SLC14A2: variants seen among roughly 807,000 people sequenced by gnomAD.
SLC14A2 encodes solute carrier family 14 member 2.
SLC14A2 carries 91 observed loss-of-function variants against 104.6 expected under a neutral mutation model. The observed-to-expected ratio is 0.87, with a 90% CI of 0.73 to 1.04. The LOEUF is 1.04. Ranked by LOEUF, SLC14A2 falls within the 50% of genes least tolerant of loss-of-function variation. The pLI, the probability that SLC14A2 is intolerant of heterozygous loss-of-function variation, is 0.00. For synonymous variants in SLC14A2, 476 were observed against 466.4 expected (o/e 1.02, Z -0.27); for missense variants, 1,189 against 1,156.0 (o/e 1.03, Z -0.41).
intron 10 of SLC14A2, 49 bp downstream of exon 10, chr18:45,644,209 C>G (rs751460773): frequency 6.3e-7 from 1 of 1,581,412 alleles, no homozygotes; most frequent in Non-Finnish European, 8.7e-7. Context: ...GACCTGATGT[C>G]CTCTCCCTGT....
chr18:45,183,282 A>C, the SLC14A2 span, among the ~76,000 whole-genome samples: 37 of 151,942 alleles, frequency 2.4e-4, no homozygotes, highest in African/African-American at 8.4e-4. Flanking sequence ...GGCTGATAAC[A>C]CCTCTTGGGG....
In SLC14A2 at chr18:45,241,639, CTTTTTTTTT is replaced by C. The variant is rs370878349; in HGVS notation, c.-125+28461_-125+28469del. Among the ~76,000 whole-genome samples, 279 of 118,030 alleles carry C rather than the reference CTTTTTTTTT, an allele frequency of 2.4e-3. 1 individual carries two copies. The highest frequency in any genetic ancestry group is 8.9e-3 in the African/African-American group (265 of 29,926). 77.4% of individuals were successfully genotyped at this position (118,030 alleles called of 152,430 possible). ...TTGATTTTCTTTTCTTTTCTTTTCTCTTTTTTTTTTTTTTTTTTTTTGAAATGGAGTTTC... is the reference window on the plus strand; with the variant it reads ...TTGATTTTCTTTTCTTTTCTTTTCTCTTTTTTTTTTTTGAAATGGAGTTTC... On this transcript the variant is annotated intron_variant, in intron 1 of 20. Coordinates refer to the SLC14A2 transcript ENST00000586448.
chr18:45,622,972 T>C lies in SLC14A2; in HGVS notation c.-34-1659T>C, dbSNP rs1247475729. Among the ~76,000 whole-genome samples, 6 of 152,224 alleles carry C rather than the reference T, an allele frequency of 3.9e-5. No homozygotes were observed. In the East Asian group the frequency reaches 7.7e-4, roughly 20 times the overall value. On this transcript the variant is annotated intron_variant, in intron 1 of 19. Transcript: ENST00000255226. ...CATGTTCAGTTGTTTGGTGAAAGCATGGAAAAGTTAGGCATTTGGGTTTAT... is the reference window on the plus strand; with the variant it reads ...CATGTTCAGTTGTTTGGTGAAAGCACGGAAAAGTTAGGCATTTGGGTTTAT...
At chr18:45,622,687 G>T (rs1370518263) in intron 1 of SLC14A2, among the ~76,000 whole-genome samples, 1 of 152,136 alleles carries the variant, frequency 6.6e-6, no homozygotes, top group African/African-American at 2.4e-5. Context: ...AGCAACCAGA[G>T]AGGGGAGCAG....
Position 45,666,209 on chromosome 18 carries a change from TC to T in SLC14A2, c.1548del (p.Glu517SerfsTer14), listed in dbSNP as rs762274030. On this transcript the variant is annotated frameshift_variant, in exon 12 of 20. Coordinates refer to ENST00000255226, the MANE Select transcript of SLC14A2 (RefSeq NM_007163.4). LOFTEE classifies it high-confidence loss of function. ...CCCTATCGATACCGGAAGCCCACAGTCGAGCTGCTTGTGAGTACTGAGTGTC... is the reference window on the plus strand; with the variant it reads ...CCCTATCGATACCGGAAGCCCACAGTGAGCTGCTTGTGAGTACTGAGTGTC... The part of the protein sequence containing the change: ...PFPYRYRKPT[V>X]ELLDLDTMEE... 6.2e-7 allele frequency: 1 copy of T among 1,611,696 alleles called. No individual in the cohort carries two copies. The highest frequency in any genetic ancestry group is 1.1e-5 in the South Asian group (1 of 91,006).
At chr18:45,229,120 G>A (rs934654326) in intron 1 of SLC14A2, among the ~76,000 whole-genome samples, 1 of 152,144 alleles carries the variant, frequency 6.6e-6, no homozygotes, top group Non-Finnish European at 1.5e-5. Context: ...CTTTTCAAAA[G>A]CAGACAAGCA....
rs73953153 is a variant in SLC14A2, at chr18:45,364,427, G to C, written c.-124-118806G>C. 6.0e-3 allele frequency among the ~76,000 whole-genome samples: 907 copies of C among 152,272 alleles called. 8 individuals are homozygous for C. The highest frequency in any genetic ancestry group is 0.021 in the African/African-American group (873 of 41,554). ...GGTTTACTTCTCTTGATCACTGTGA[G>C]AGTAGAAGAGAAAAGGAGTTGTTCC... On this transcript the variant is annotated intron_variant, in intron 1 of 20. Coordinates refer to the SLC14A2 transcript ENST00000586448.
the SLC14A2 span, among the ~76,000 whole-genome samples, chr18:45,192,480 T>C: frequency 2.0e-5 from 3 of 152,222 alleles, no homozygotes; most frequent in African/African-American, 7.2e-5. Context: ...TTTAAGGTTT[T>C]AAGAAATGCT....
At chr18:45,630,332 T>A in intron 4 of SLC14A2, among the ~76,000 whole-genome samples, 1 of 152,196 alleles carries the variant, frequency 6.6e-6, no homozygotes, top group East Asian at 1.9e-4. Flanking sequence ...CTGACACAGT[T>A]GCATATTCTA....
At chr18:45,210,676 G>C (rs16978300), upstream of SLC14A2, among the ~76,000 whole-genome samples, 2,299 of 152,304 alleles carry the variant, frequency 0.015, 67 homozygotes, top group African/African-American at 0.051. Flanking sequence ...TGGACCACAA[G>C]ATTGGTATTG....
At chr18:45,413,526 A>G (rs1319736944) in intron 1 of SLC14A2, among the ~76,000 whole-genome samples, 1 of 152,100 alleles carries the variant, frequency 6.6e-6, no homozygotes, top group African/African-American at 2.4e-5. Flanking sequence ...CTGGACTCAG[A>G]CCCTAGTTCC....
intron 1 of SLC14A2, among the ~76,000 whole-genome samples, chr18:45,271,700 A>G (rs576453349): frequency 6.6e-6 from 1 of 152,286 alleles, no homozygotes; most frequent in South Asian, 2.1e-4. Flanking sequence ...GGAAGAATCA[A>G]TATTGTTAAA....
chr18:45,175,362 A>AC, the SLC14A2 span, among the ~76,000 whole-genome samples: 513 of 150,692 alleles, frequency 3.4e-3, 6 homozygotes, highest in African/African-American at 0.012. Context: ...GGTAAAAAAA[A>AC]GTGTCATAAT....
intron 1 of SLC14A2, among the ~76,000 whole-genome samples, chr18:45,274,846 A>ACG (rs2084686100): frequency 6.6e-6 from 1 of 152,236 alleles, no homozygotes; most frequent in African/African-American, 2.4e-5. Flanking sequence ...GTCTCCCTAG[A>ACG]GAACGTGATT....
chr18:45,291,053 T>C (rs2084864655), intron 1 of SLC14A2, among the ~76,000 whole-genome samples: 1 of 152,206 alleles, frequency 6.6e-6, no homozygotes, highest in Non-Finnish European at 1.5e-5. Context: ...AGTTGTGTCA[T>C]GTGGGTTGAG....
chr18:45,481,686 A>T (rs1355970046), intron 1 of SLC14A2, among the ~76,000 whole-genome samples: 1 of 152,362 alleles, frequency 6.6e-6, no homozygotes, highest in South Asian at 2.1e-4. Context: ...ACTGAAAAAA[A>T]ACAGGATTTT....
At chr18:45,426,676 CACATAT>C (rs1340988565) in intron 1 of SLC14A2, among the ~76,000 whole-genome samples, 4 of 139,384 alleles carry the variant, frequency 2.9e-5, no homozygotes, top group East Asian at 4.2e-4. Flanking sequence ...TATATATACA[CACATAT>C]ACATATATAC....
At chr18:45,385,733 G>A (rs190600110) in intron 1 of SLC14A2, among the ~76,000 whole-genome samples, 1 of 152,274 alleles carries the variant, frequency 6.6e-6, no homozygotes, top group East Asian at 1.9e-4. Flanking sequence ...AAATTGGACT[G>A]ACATTGATTA....
chr18:45,261,799 G>A (rs575880184), intron 1 of SLC14A2, among the ~76,000 whole-genome samples: 6 of 152,236 alleles, frequency 3.9e-5, no homozygotes, highest in African/African-American at 1.2e-4. Context: ...TCTTAATCCA[G>A]TCTATCATTG....
Sources: gnomAD v4.1 joint callset for allele counts (sites outside exome capture counted in the v4.1 genomes callset) on GRCh38, gnomAD v4.1.1 for gene constraint, MANE v1.5 for transcripts, NCBI Gene and HGNC (gene_info 2026-07-23, HGNC 2026-07-21) for gene names.